The following TECPR2 variants were observed in gnomAD, a reference collection of about 807,000 sequenced individuals.
TECPR2 encodes tectonin beta-propeller repeat-containing protein 2.
In TECPR2, 65 loss-of-function variants were observed where a neutral mutation model predicts 138.1. That is an observed-to-expected ratio of 0.47 (90% confidence interval 0.39 to 0.58). The LOEUF (loss-of-function observed/expected upper bound fraction) is 0.58. Among genes scored for constraint, TECPR2 ranks in the 20% least tolerant of loss-of-function variants. The probability of loss-of-function intolerance (pLI) is 0.00; values close to 1 mark genes in which losing one functional copy is unlikely to be tolerated. For missense variants in TECPR2, 1,553 were observed against 1,824.5 expected (o/e 0.85, Z 2.71); for synonymous variants, 746 against 749.8 (o/e 0.99, Z 0.08).
At chr14:102,452,696 C>T (rs184844779) in intron 16 of TECPR2, 69 bp downstream of exon 16, 40 of 1,321,996 alleles carry the variant, frequency 3.0e-5, no homozygotes, top group Non-Finnish European at 3.9e-5. Context: ...AACGTGATGT[C>T]GGACAAAACT....
At chr14:102,386,619 G>A (rs947617714) in intron 2 of TECPR2, among the ~76,000 whole-genome samples, 1 of 152,128 alleles carries the variant, frequency 6.6e-6, no homozygotes, top group Admixed American at 6.6e-5. Context: ...TTAACTCTAG[G>A]TAGGGATTAA....
At chr14:102,405,725 C>T (rs1329129896) in intron 2 of TECPR2, among the ~76,000 whole-genome samples, 1 of 152,200 alleles carries the variant, frequency 6.6e-6, no homozygotes, top group Non-Finnish European at 1.5e-5. Context: ...TGTTTGTACA[C>T]TCATATTCAT....
rs78329527 is a variant in TECPR2, at chr14:102,488,658, A to G, written c.3790-8321A>G. On this transcript the variant is annotated intron_variant, in intron 17 of 19. Coordinates refer to ENST00000359520, the MANE Select transcript of TECPR2 (RefSeq NM_014844.5). ...TGCACCCGGCCTAATTGAAATTTTT[A>G]TTGAGATAATGGTCACTGCACTTGT... 5.3e-3 allele frequency among the ~76,000 whole-genome samples: 807 copies of G among 151,730 alleles called. 6 individuals are homozygous for G. Among genetic ancestry groups the G allele is most frequent in the Non-Finnish European group, 9.0e-3 (613 of 67,854 alleles).
At chr14:102,436,646 G>A (rs914211648) in intron 9 of TECPR2, among the ~76,000 whole-genome samples, 13 of 152,180 alleles carry the variant, frequency 8.5e-5, no homozygotes, top group Admixed American at 2.0e-4. Context: ...TCAGTCATCC[G>A]GCATTTATCT....
At chr14:102,437,858 G>T (rs541360630) in intron 9 of TECPR2, among the ~76,000 whole-genome samples, 164 bp from the exon 10 acceptor site, 1 of 152,264 alleles carries the variant, frequency 6.6e-6, no homozygotes, top group East Asian at 1.9e-4. Flanking sequence ...TAGTAGAGGG[G>T]TGTCCACAGA....
chr14:102,437,466 C>A (rs117848254), intron 9 of TECPR2, among the ~76,000 whole-genome samples: 6,343 of 151,964 alleles, frequency 0.042, 154 homozygotes, highest in Middle Eastern at 0.092. Flanking sequence ...AGAATTGCGA[C>A]TTGCTTGAAC....
At chr14:102,448,759 C>T (rs577255245) in intron 13 of TECPR2, among the ~76,000 whole-genome samples, 24 of 151,790 alleles carry the variant, frequency 1.6e-4, no homozygotes, top group African/African-American at 5.8e-4. Flanking sequence ...CCCAGCTACT[C>T]GGGAGGCTGA....
rs181180526 is a variant in TECPR2, at chr14:102,421,138, G to A, written c.639-3841G>A. Among the ~76,000 whole-genome samples the A allele has an allele frequency of 4.4e-4, 67 of 152,310 alleles. 1 individual carries two copies. The Middle Eastern group carries it at 0.01, about 23-fold the overall frequency. ...ACCAGTCAAAATGGAAATGACAAGA[G>A]ATTTTTCAGAGGTCCTACAAATAGA... is the stretch of plus-strand genomic sequence containing the variant. On this transcript the variant is annotated intron_variant, in intron 5 of 19. Transcript: ENST00000359520.
Position 102,420,817 on chromosome 14 carries a change from G to T in TECPR2, c.639-4162G>T, listed in dbSNP as rs148989817. On this transcript the variant is annotated intron_variant, in intron 5 of 19. Coordinates refer to ENST00000359520, the MANE Select transcript of TECPR2 (RefSeq NM_014844.5). This position sits in a 1 kb window ranked among gnomAD's most constrained non-coding sequence, Gnocchi z 4.1. ...CCACTCCCAGGACCTTGCTCAGCAGGGCTCCTTTCCCTTCCTCCAGGGTAA... is the reference window on the plus strand; with the variant it reads ...CCACTCCCAGGACCTTGCTCAGCAGTGCTCCTTTCCCTTCCTCCAGGGTAA... Among the ~76,000 whole-genome samples, 231 of 152,152 alleles carry T rather than the reference G, an allele frequency of 1.5e-3. 1 individual carries two copies. Among genetic ancestry groups the T allele is most frequent in the African/African-American group, 5.1e-3 (211 of 41,504 alleles).
At chr14:102,478,995 C>CG (rs1890826878) in intron 17 of TECPR2, among the ~76,000 whole-genome samples, 1 of 114,398 alleles carries the variant, frequency 8.7e-6, no homozygotes, top group Non-Finnish European at 1.7e-5. Context: ...CCAGCCTGGG[C>CG]GAAAGAGTAA....
chr14:102,438,937 C>A (rs1242145204), intron 10 of TECPR2, among the ~76,000 whole-genome samples: 4 of 151,180 alleles, frequency 2.6e-5, no homozygotes, highest in African/African-American at 7.3e-5. Flanking sequence ...TCTCAGCTCA[C>A]TGCGAGCTCC....
At chr14:102,383,695 A>G (rs936810869) in intron 2 of TECPR2, among the ~76,000 whole-genome samples, 1 of 152,050 alleles carries the variant, frequency 6.6e-6, no homozygotes, top group Non-Finnish European at 1.5e-5. Context: ...AGCATGAGCC[A>G]CTGCGCCCGG....
chr14:102,422,852 A>G (rs1889221598), intron 5 of TECPR2, among the ~76,000 whole-genome samples: 1 of 152,212 alleles, frequency 6.6e-6, no homozygotes, highest in African/African-American at 2.4e-5. Flanking sequence ...ATATGTACAT[A>G]TACACAGTGG....
In TECPR2 at chr14:102,452,527, G is replaced by A. The variant is rs368289607; in HGVS notation, c.3540G>A (p.Ala1180=). ...EMRAYAACQD[A]LWALDSLGQV... is the part of the protein sequence containing the mutation. ...GCGCCTATGCCGCCTGCCAGGATGC[G>A]CTGTGGGCGCTGGACAGCCTCGGCC... The change falls in exon 16 of 20, where the codon GCG becomes GCA. Residue 1180 remains alanine, a synonymous_variant. Transcript: ENST00000359520. 1.4e-5 allele frequency: 23 copies of A among 1,611,958 alleles called. No homozygotes were observed. Among genetic ancestry groups the A allele is most frequent in the Admixed American group, 1.0e-4 (6 of 59,828 alleles).
At chr14:102,438,861 TTC>T (rs1491542966) in intron 10 of TECPR2, among the ~76,000 whole-genome samples, 26 of 150,744 alleles carry the variant, frequency 1.7e-4, no homozygotes, top group African/African-American at 4.9e-4. Context: ...CTTTCTTTCT[TTC>T]TTTTTTTTTT....
chr14:102,480,230 T>TA (rs1192357151), intron 17 of TECPR2, among the ~76,000 whole-genome samples: 8 of 151,526 alleles, frequency 5.3e-5, no homozygotes, highest in Admixed American at 2.0e-4. Context: ...TTTTTTTTTT[T>TA]ATTGATTTAT....
intron 2 of TECPR2, among the ~76,000 whole-genome samples, chr14:102,403,108 C>T (rs1285111672): frequency 6.6e-6 from 1 of 152,118 alleles, no homozygotes; most frequent in Admixed American, 6.5e-5. Context: ...ATCAGTATCC[C>T]TCATGAACAT....
At chr14:102,377,036 G>T in intron 2 of TECPR2, 96 bp downstream of exon 2, 1 of 1,304,980 alleles carries the variant, frequency 7.7e-7, no homozygotes, top group Non-Finnish European at 1.1e-6. Flanking sequence ...CTTCTGATTT[G>T]CCAGAATATG....
chr14:102,487,351 T>C (rs1384180073), intron 17 of TECPR2, among the ~76,000 whole-genome samples: 1 of 152,228 alleles, frequency 6.6e-6, no homozygotes, highest in East Asian at 1.9e-4. Flanking sequence ...GATACATGTT[T>C]CCTTTGGCTG....
Sources: gnomAD v4.1 joint callset for allele counts (sites outside exome capture counted in the v4.1 genomes callset) on GRCh38, gnomAD v4.1.1 for gene constraint, Gnocchi (gnomAD v3.1) non-coding constraint, MANE v1.5 for transcripts, NCBI Gene and HGNC (gene_info 2026-07-23, HGNC 2026-07-21) for gene names.